Variants in KCNQ5 observed in about 807,000 individuals in gnomAD.
KCNQ5 encodes the protein potassium voltage-gated channel subfamily Q member 5.
KCNQ5 carries 30 observed loss-of-function variants against 98.2 expected under a neutral mutation model. That is an observed-to-expected ratio of 0.31 (90% CI 0.23 to 0.41). The LOEUF (loss-of-function observed/expected upper bound fraction) is 0.41, where lower values mean the gene tolerates loss of function less well. Among genes scored for constraint, KCNQ5 ranks in the 10% least tolerant of loss-of-function variants. KCNQ5 has a pLI of 1.00. For missense variants in KCNQ5, 835 were observed against 1,182.5 expected (o/e 0.71, Z 4.31); for synonymous variants, 458 against 449.4 (o/e 1.02, Z -0.24).
intron 1 of KCNQ5, among the ~76,000 whole-genome samples, chr6:72,638,425 G>C (rs1050654988): frequency 2.0e-5 from 3 of 152,088 alleles, no homozygotes; most frequent in Non-Finnish European, 2.9e-5. Flanking sequence ...TTTCTTCCAG[G>C]CTTCAGGGCA....
intron 1 of KCNQ5, among the ~76,000 whole-genome samples, chr6:72,644,785 T>C (rs1022083829): frequency 1.3e-5 from 2 of 152,084 alleles, no homozygotes; most frequent in Admixed American, 6.5e-5. Context: ...TGTCTCCTCC[T>C]TTTCTCCCAC....
chr6:73,023,984 T>G (rs2150341576), intron 2 of KCNQ5, among the ~76,000 whole-genome samples: 1 of 152,246 alleles, frequency 6.6e-6, no homozygotes, highest in African/African-American at 2.4e-5. Context: ...CCTTGGAAGG[T>G]TTAGGTTTTT....
chr6:72,945,932 G>A (rs1366374608), intron 1 of KCNQ5, among the ~76,000 whole-genome samples: 1 of 152,086 alleles, frequency 6.6e-6, no homozygotes, highest in African/African-American at 2.4e-5. Context: ...TAACAACACT[G>A]GAAGTAAGTA....
In KCNQ5 at chr6:72,898,931, G is replaced by A. The variant is rs187915230; in HGVS notation, c.399-104977G>A. Among the ~76,000 whole-genome samples the A allele has an allele frequency of 2.5e-3, 387 of 152,294 alleles. 1 individual carries two copies. Among genetic ancestry groups the A allele is most frequent in the Non-Finnish European group, 4.2e-3 (287 of 68,018 alleles). On this transcript the variant is annotated intron_variant, in intron 1 of 13. Transcript: ENST00000370398. The stretch of plus-strand genomic sequence containing the variant: ...CTGCATTTCTCTAATGATCAGTGAT[G>A]TTGAGCTTTTCTTCATATGTTTGTT...
intron 1 of KCNQ5, among the ~76,000 whole-genome samples, chr6:72,839,704 G>T (rs1582391100): frequency 6.6e-6 from 1 of 151,932 alleles, no homozygotes; most frequent in East Asian, 1.9e-4. Context: ...ATATTTTTAT[G>T]GGGTACAACA....
intron 11 of KCNQ5, among the ~76,000 whole-genome samples, chr6:73,176,578 T>C (rs938306146): frequency 1.3e-5 from 2 of 152,192 alleles, no homozygotes; most frequent in African/African-American, 4.8e-5. Context: ...AAGGAATGTA[T>C]TGGGAAGAGA....
intron 1 of KCNQ5, among the ~76,000 whole-genome samples, chr6:72,842,259 T>C (rs985456411): frequency 1.3e-5 from 2 of 152,146 alleles, no homozygotes; most frequent in Non-Finnish European, 2.9e-5. Flanking sequence ...TCATTACGTC[T>C]CCACTGTCCA....
intron 1 of KCNQ5, among the ~76,000 whole-genome samples, chr6:72,859,297 G>T (rs901764119): frequency 3.3e-5 from 5 of 151,944 alleles, no homozygotes; most frequent in Non-Finnish European, 7.4e-5. Context: ...CCAGTCAATG[G>T]CATTGAACAC....
At chr6:73,188,598 G>C (rs1430837315) in intron 11 of KCNQ5, among the ~76,000 whole-genome samples, 1 of 152,036 alleles carries the variant, frequency 6.6e-6, no homozygotes, top group Non-Finnish European at 1.5e-5. Context: ...ATTTTTTACT[G>C]TGTCAGAAAC....
intron 1 of KCNQ5, among the ~76,000 whole-genome samples, chr6:72,746,123 C>T (rs1248937911): frequency 3.1e-5 from 4 of 130,292 alleles, no homozygotes; most frequent in Non-Finnish European, 6.3e-5. Context: ...TTCACAAATA[C>T]CAGAGTTTAG....
At chr6:72,913,877 G>A (rs574476135) in intron 1 of KCNQ5, among the ~76,000 whole-genome samples, 1 of 152,204 alleles carries the variant, frequency 6.6e-6, no homozygotes, top group South Asian at 2.1e-4. Flanking sequence ...GGACAGTCCT[G>A]AGAAATATGA....
intron 12 of KCNQ5, 73 bp downstream of exon 12, chr6:73,190,777 A>G: frequency 1.1e-6 from 1 of 951,126 alleles, no homozygotes; most frequent in Non-Finnish European, 1.5e-6. Flanking sequence ...TCTCTTTAGT[A>G]GAGTAAACCT....
intron 1 of KCNQ5, among the ~76,000 whole-genome samples, chr6:72,995,659 G>T (rs1238522703): frequency 6.6e-6 from 1 of 152,128 alleles, no homozygotes; most frequent in Non-Finnish European, 1.5e-5. Flanking sequence ...TGTTTGTAAA[G>T]AAATTCGGAA....
At chr6:72,886,042 C>T (rs1279813815) in intron 1 of KCNQ5, among the ~76,000 whole-genome samples, 1 of 152,142 alleles carries the variant, frequency 6.6e-6, no homozygotes, top group Non-Finnish European at 1.5e-5. Flanking sequence ...ATAACCTTTA[C>T]CCCAAGACTC....
At chr6:72,759,211 T>C (rs1156921685) in intron 1 of KCNQ5, among the ~76,000 whole-genome samples, 1 of 152,158 alleles carries the variant, frequency 6.6e-6, no homozygotes, top group Non-Finnish European at 1.5e-5. Flanking sequence ...AAGATTCCTC[T>C]CTGGGAATGT....
chr6:72,791,429 C>T (rs1459007467), intron 1 of KCNQ5, among the ~76,000 whole-genome samples: 2 of 152,152 alleles, frequency 1.3e-5, no homozygotes, highest in African/African-American at 4.8e-5. Context: ...TGCCCTCCCC[C>T]TCACCCCAAG....
intron 1 of KCNQ5, among the ~76,000 whole-genome samples, chr6:72,856,800 A>G (rs1408411114): frequency 1.3e-5 from 2 of 152,184 alleles, no homozygotes; most frequent in Non-Finnish European, 2.9e-5. Flanking sequence ...GGAGGTCCCC[A>G]TGTCCAGCAG....
At chr6:72,701,898 T>C (rs963289241) in intron 1 of KCNQ5, among the ~76,000 whole-genome samples, 1 of 152,156 alleles carries the variant, frequency 6.6e-6, no homozygotes, top group Non-Finnish European at 1.5e-5. Context: ...TTTGCCATGT[T>C]GCCCAGGCTG....
At chr6:72,940,444 C>A (rs1211388910) in intron 1 of KCNQ5, among the ~76,000 whole-genome samples, 2 of 152,134 alleles carry the variant, frequency 1.3e-5, no homozygotes, top group Non-Finnish European at 2.9e-5. Flanking sequence ...TCTCCCCAGC[C>A]CTACTCATGC....
Sources: gnomAD v4.1 joint callset for allele counts (sites outside exome capture counted in the v4.1 genomes callset) on GRCh38, gnomAD v4.1.1 for gene constraint, MANE v1.5 for transcripts, NCBI Gene and HGNC (gene_info 2026-07-23, HGNC 2026-07-21) for gene names.